Variants in CERS3 observed in about 807,000 individuals in gnomAD.
The protein encoded by CERS3 is ceramide synthase 3, also known as LAG1 homolog, ceramide synthase 3.
Under a neutral mutation model 50.3 loss-of-function variants are expected in CERS3, and 33 were observed. The observed-to-expected ratio is 0.66, with a 90% CI of 0.50 to 0.88. The LOEUF (loss-of-function observed/expected upper bound fraction) is 0.88. Among genes scored for constraint, CERS3 ranks in the 40% least tolerant of loss-of-function variants. The pLI, the probability that CERS3 is intolerant of heterozygous loss-of-function variation, is 0.00. For missense variants in CERS3, 470 were observed against 460.3 expected (o/e 1.02, Z -0.19); for synonymous variants, 176 against 155.2 (o/e 1.13, Z -0.99).
chr15:100,470,574 A>G (rs1466929), intron 9 of CERS3, among the ~76,000 whole-genome samples: 65,293 of 151,934 alleles, frequency 0.43, 14,735 homozygotes, highest in Middle Eastern at 0.52. Flanking sequence ...CTGGGTGGGA[A>G]GCAAGGGATG....
intron 11 of CERS3, among the ~76,000 whole-genome samples, chr15:100,407,476 T>C (rs1460830491): frequency 4.6e-5 from 7 of 152,268 alleles, no homozygotes; most frequent in Non-Finnish European, 7.3e-5. Flanking sequence ...GGCATGCACA[T>C]AGGTGAAAAC....
intron 11 of CERS3, among the ~76,000 whole-genome samples, chr15:100,442,512 T>C (rs1211222517): frequency 1.3e-5 from 2 of 152,216 alleles, no homozygotes; most frequent in Non-Finnish European, 2.9e-5. Flanking sequence ...ATACCTGAAC[T>C]GCAGCGGCCA....
chr15:100,540,459 G>C (rs2037174106), intron 1 of CERS3, among the ~76,000 whole-genome samples: 1 of 152,180 alleles, frequency 6.6e-6, no homozygotes, highest in Non-Finnish European at 1.5e-5. Flanking sequence ...AAGGAGAATT[G>C]CTTGAACCTA....
At chr15:100,417,589 G>A (rs1158058697) in intron 11 of CERS3, among the ~76,000 whole-genome samples, 4 of 151,982 alleles carry the variant, frequency 2.6e-5, no homozygotes, top group Non-Finnish European at 5.9e-5. Context: ...ACAGCTCAAG[G>A]AGGCCTGCCT....
chr15:100,402,993 C>T (rs145873924), intron 11 of CERS3, 128 bp from the exon 12 acceptor site: 12 of 893,010 alleles, frequency 1.3e-5, no homozygotes, highest in Non-Finnish European at 2.0e-5. Context: ...ACTAAACATT[C>T]ACCAAGATTG....
chr15:100,470,966 A>G lies in CERS3; in HGVS notation c.739-1482T>C, dbSNP rs150507228. 4.8e-3 allele frequency among the ~76,000 whole-genome samples: 731 copies of G among 152,320 alleles called. 1 individual carries two copies. Among genetic ancestry groups the G allele is most frequent in the Non-Finnish European group, 7.2e-3 (493 of 68,030 alleles). ...TGTGCCATGTCTGGGTTCAATTAGA[A>G]CTTGATTGTGAAAACAAACCCTAAA... On this transcript the variant is annotated intron_variant, in intron 9 of 11. Transcript: ENST00000679737.
intron 11 of CERS3, among the ~76,000 whole-genome samples, chr15:100,406,811 C>T (rs2031066890): frequency 6.6e-6 from 1 of 152,140 alleles, no homozygotes; most frequent in East Asian, 1.9e-4. Flanking sequence ...CTGATAAAGA[C>T]ATACCCGAGA....
chr15:100,531,347 T>A (rs1567687946), upstream of CERS3, among the ~76,000 whole-genome samples: 1 of 151,614 alleles, frequency 6.6e-6, no homozygotes, highest in Non-Finnish European at 1.5e-5. Context: ...ATGAGGCTAT[T>A]GCACAACTTG....
At chr15:100,484,428 C>T in intron 5 of CERS3, 122 bp downstream of exon 5, 1 of 671,746 alleles carries the variant, frequency 1.5e-6, no homozygotes, top group South Asian at 1.8e-5. Context: ...AACACCACAT[C>T]AGTGGGTGAC....
Position 100,479,291 on chromosome 15 carries a change from G to T in CERS3, c.516+137C>A. The T allele has an allele frequency of 1.4e-5, 8 of 575,882 alleles. No homozygotes were observed. In the South Asian group the frequency reaches 2.1e-4, roughly 15 times the overall value. The allele number at this position is 575,882 out of a possible 1,614,324, so 35.7% of individuals were successfully genotyped here. A position where few individuals can be genotyped will look rare whatever the true frequency, so the allele number is the denominator to read the frequency against. On this transcript the variant is annotated intron_variant, in intron 7 of 11. Coordinates refer to ENST00000679737, the MANE Select transcript of CERS3 (RefSeq NM_001378789.1). Reference sequence around the variant, plus strand: ...ACAAATGAGGGTCAATAAGGATAAGGAAGCTCAAGTAGAAAAAGTGCCAGG... The same window carrying T: ...ACAAATGAGGGTCAATAAGGATAAGTAAGCTCAAGTAGAAAAAGTGCCAGG...
chr15:100,471,423 A>C (rs2034964734), intron 9 of CERS3, among the ~76,000 whole-genome samples: 1 of 152,162 alleles, frequency 6.6e-6, no homozygotes, highest in Non-Finnish European at 1.5e-5. Flanking sequence ...GGAGGGTGGC[A>C]GGGCAACCCC....
intron 2 of CERS3, among the ~76,000 whole-genome samples, chr15:100,515,738 C>T (rs1041933829): frequency 3.3e-5 from 5 of 152,168 alleles, no homozygotes; most frequent in African/African-American, 1.2e-4. Flanking sequence ...AAAGGCAGAA[C>T]TCCCCTCCCC....
intron 2 of CERS3, among the ~76,000 whole-genome samples, chr15:100,505,006 G>C (rs1286907001): frequency 6.6e-6 from 1 of 152,224 alleles, no homozygotes; most frequent in African/African-American, 2.4e-5. Context: ...CGAGGCCACA[G>C]AGGCTCTCTG....
chr15:100,542,667 A>C (rs1050229611), intron 1 of CERS3, among the ~76,000 whole-genome samples: 3 of 152,192 alleles, frequency 2.0e-5, no homozygotes, highest in African/African-American at 7.2e-5. Context: ...ACCATAGGGC[A>C]CTTTCTGTAT....
chr15:100,439,384 G>A (rs919662466), intron 11 of CERS3, among the ~76,000 whole-genome samples: 1 of 152,074 alleles, frequency 6.6e-6, no homozygotes, highest in Non-Finnish European at 1.5e-5. Flanking sequence ...AAAACAGGGT[G>A]GTTTGTTTTC....
At chr15:100,434,275 G>A (rs992496846) in intron 11 of CERS3, among the ~76,000 whole-genome samples, 5 of 152,296 alleles carry the variant, frequency 3.3e-5, no homozygotes, top group South Asian at 4.1e-4. Flanking sequence ...CGAAGAGTGC[G>A]TGCCCAGGAC....
intron 1 of CERS3, among the ~76,000 whole-genome samples, chr15:100,525,355 C>A (rs185214651): frequency 2.4e-4 from 37 of 152,242 alleles, no homozygotes; most frequent in African/African-American, 8.7e-4. Context: ...AACCAGAACC[C>A]TTTAATTTTA....
upstream of CERS3, among the ~76,000 whole-genome samples, chr15:100,533,307 C>T (rs751620713): frequency 2.8e-4 from 43 of 152,104 alleles, no homozygotes; most frequent in African/African-American, 8.7e-4. Context: ...TTCAGGAGGA[C>T]GGAATTTTCG....
intron 2 of CERS3, among the ~76,000 whole-genome samples, chr15:100,505,524 T>C (rs1385275403): frequency 6.6e-6 from 1 of 152,246 alleles, no homozygotes; most frequent in African/African-American, 2.4e-5. Flanking sequence ...TCACTCTTTC[T>C]TCATGTACTG....
Sources: gnomAD v4.1 joint callset for allele counts (sites outside exome capture counted in the v4.1 genomes callset) on GRCh38, gnomAD v4.1.1 for gene constraint, MANE v1.5 for transcripts, NCBI Gene and HGNC (gene_info 2026-07-23, HGNC 2026-07-21) for gene names.